PPP2R5E: variants seen among roughly 807,000 people sequenced by gnomAD.
The protein encoded by PPP2R5E is serine/threonine-protein phosphatase 2A 56 kDa regulatory subunit epsilon isoform.
PPP2R5E carries 4 observed loss-of-function variants against 65.3 expected under a neutral mutation model. That is an observed-to-expected ratio of 0.06 (90% CI 0.03 to 0.14). PPP2R5E has a LOEUF of 0.14. PPP2R5E is among the 10% of genes least tolerant of loss of function. PPP2R5E has a pLI of 1.00. For synonymous variants in PPP2R5E, 183 were observed against 187.4 expected, an observed-to-expected ratio of 0.98 and a Z score of 0.19; for missense variants, 274 against 556.1, an observed-to-expected ratio of 0.49 and a Z score of 5.10.
At chr14:63,520,895 C>T (rs1344727591) in intron 2 of PPP2R5E, among the ~76,000 whole-genome samples, 6 of 144,616 alleles carry the variant, frequency 4.1e-5, no homozygotes, top group East Asian at 2.0e-4. Context: ...AACAATTAGC[C>T]GGGCATGGTA....
intron 2 of PPP2R5E, among the ~76,000 whole-genome samples, chr14:63,474,657 G>C (rs1403956690): frequency 1.1e-5 from 1 of 91,812 alleles, no homozygotes; most frequent in East Asian, 3.6e-4. Flanking sequence ...CTGGGCAATA[G>C]AGTGATACCC....
At chr14:63,480,668 A>G (rs781701716) in intron 2 of PPP2R5E, among the ~76,000 whole-genome samples, 3 of 151,988 alleles carry the variant, frequency 2.0e-5, no homozygotes, top group Non-Finnish European at 4.4e-5. Context: ...CTGGTCTCGA[A>G]CTCCTAGTCT....
At position 63,421,983 on chromosome 14, in the gene PPP2R5E, T is replaced by G; in HGVS notation, c.456+10A>C. ...AGTTTTCTTTTATAACAAATGGTAT[T>G]TCAAAGTACCTGTAAGTGTGGCCAC... On this transcript the variant is annotated intron_variant, in intron 4 of 13. Transcript: ENST00000337537. 6.3e-7 allele frequency: 1 copy of G among 1,586,930 alleles called. No individual in the cohort carries two copies. Among genetic ancestry groups the G allele is most frequent in the Non-Finnish European group, 8.7e-7 (1 of 1,155,552 alleles).
At chr14:63,530,232 T>C in intron 2 of PPP2R5E, among the ~76,000 whole-genome samples, 1 of 145,318 alleles carries the variant, frequency 6.9e-6, no homozygotes, top group South Asian at 2.2e-4. Context: ...TTCCGTTTTT[T>C]TTTTTTTTTT....
rs549191091 is a variant in PPP2R5E at position 63,501,175 on chromosome 14, A to G, written c.157+38354T>C. 2.1e-3 allele frequency among the ~76,000 whole-genome samples: 314 copies of G among 152,230 alleles called. 2 individuals carry two copies. Among genetic ancestry groups the G allele is most frequent in the African/African-American group, 7.2e-3 (298 of 41,544 alleles). ...AGCACTTTGGGAGGCCGAGGCGGGC[A>G]GATCACCAGGTCAGGAGATCGAGAC... On this transcript the variant is annotated intron_variant, in intron 2 of 13. Transcript: ENST00000337537.
At chr14:63,393,768 T>A in intron 8 of PPP2R5E, 52 bp downstream of exon 8, 1 of 1,297,134 alleles carries the variant, frequency 7.7e-7, no homozygotes, top group Non-Finnish European at 1.1e-6. Context: ...AAAAAACGAG[T>A]TTGCAAACTT....
chr14:63,530,226 G>GTTTTT (rs555112537), intron 2 of PPP2R5E, among the ~76,000 whole-genome samples: 326 of 99,448 alleles, frequency 3.3e-3, no homozygotes, highest in Middle Eastern at 7.6e-3. Flanking sequence ...AAATTTTTCC[G>GTTTTT]TTTTTTTTTT....
At chr14:63,421,945 A>T (rs1366279387) in intron 4 of PPP2R5E, 48 bp downstream of exon 4, 1 of 1,412,828 alleles carries the variant, frequency 7.1e-7, no homozygotes, top group Non-Finnish European at 1.0e-6. Flanking sequence ...CTAATCAGCT[A>T]ATGAGTTAAT....
chr14:63,522,957 T>G (rs1566761349), intron 2 of PPP2R5E, among the ~76,000 whole-genome samples: 2 of 112,696 alleles, frequency 1.8e-5, no homozygotes, highest in African/African-American at 7.1e-5. Context: ...GGGAGGGAGG[T>G]GGGGGGGTCA....
intron 2 of PPP2R5E, among the ~76,000 whole-genome samples, chr14:63,467,426 C>A (rs1271867954): frequency 6.6e-6 from 1 of 151,810 alleles, no homozygotes; most frequent in Non-Finnish European, 1.5e-5. Context: ...ATACTGTAAC[C>A]CAGAGTTTAG....
At chr14:63,466,905 T>G (rs982806793) in intron 2 of PPP2R5E, among the ~76,000 whole-genome samples, 1 of 152,176 alleles carries the variant, frequency 6.6e-6, no homozygotes. Flanking sequence ...TCTGGGAAGC[T>G]TAACACTTTC....
chr14:63,493,869 AGAT>A (rs1295590773), intron 2 of PPP2R5E, among the ~76,000 whole-genome samples: 4 of 152,182 alleles, frequency 2.6e-5, no homozygotes, highest in Non-Finnish European at 5.9e-5. Flanking sequence ...TCAAGTATTC[AGAT>A]GATGTTCCAA....
chr14:63,515,641 C>G (rs978737387), intron 2 of PPP2R5E, among the ~76,000 whole-genome samples: 1 of 151,894 alleles, frequency 6.6e-6, no homozygotes, highest in African/African-American at 2.4e-5. Flanking sequence ...CTGCCTCAGC[C>G]TCCCGAGTAG....
At chr14:63,471,202 A>C (rs1890110735) in intron 2 of PPP2R5E, among the ~76,000 whole-genome samples, 1 of 152,238 alleles carries the variant, frequency 6.6e-6, no homozygotes, top group South Asian at 2.1e-4. Flanking sequence ...CAGATGTCTT[A>C]TGTATAGATT....
intron 2 of PPP2R5E, among the ~76,000 whole-genome samples, chr14:63,469,526 A>G (rs1890008907): frequency 6.6e-6 from 1 of 151,336 alleles, no homozygotes; most frequent in Non-Finnish European, 1.5e-5. Context: ...ACCCATCTCT[A>G]CTAAAAAAAT....
At chr14:63,436,004 G>T (rs1887936650) in intron 3 of PPP2R5E, among the ~76,000 whole-genome samples, 1 of 152,188 alleles carries the variant, frequency 6.6e-6, no homozygotes, top group South Asian at 2.1e-4. Context: ...AGTGCTTACT[G>T]TGTATAAATC....
At chr14:63,431,834 A>G (rs1416687407) in intron 3 of PPP2R5E, among the ~76,000 whole-genome samples, 3 of 152,120 alleles carry the variant, frequency 2.0e-5, no homozygotes, top group Non-Finnish European at 4.4e-5. Context: ...ATTGTTACAC[A>G]TTTAGAAATA....
intron 2 of PPP2R5E, among the ~76,000 whole-genome samples, chr14:63,535,997 GTTA>G (rs1449220135): frequency 2.6e-5 from 4 of 152,088 alleles, no homozygotes; most frequent in African/African-American, 9.7e-5. Context: ...ACTTCCTTAT[GTTA>G]TTCTACAGAC....
At chr14:63,431,008 C>T (rs913853195) in intron 3 of PPP2R5E, among the ~76,000 whole-genome samples, 1 of 151,864 alleles carries the variant, frequency 6.6e-6, no homozygotes, top group African/African-American at 2.4e-5. Context: ...GGTGGCTCAC[C>T]CCTGTAATCC....
Sources: gnomAD v4.1 joint callset for allele counts (sites outside exome capture counted in the v4.1 genomes callset) on GRCh38, gnomAD v4.1.1 for gene constraint, MANE v1.5 for transcripts, NCBI Gene and HGNC (gene_info 2026-07-23, HGNC 2026-07-21) for gene names.